UBAP2: variants seen among roughly 807,000 people sequenced by gnomAD.
UBAP2 encodes ubiquitin associated protein 2.
A neutral mutation model predicts 139.6 loss-of-function variants in UBAP2; 75 were observed. That is an observed-to-expected ratio of 0.54 (90% CI 0.45 to 0.65). The LOEUF is 0.65. UBAP2 is among the 30% of genes least tolerant of loss of function. UBAP2 has a pLI of 0.00. For synonymous variants in UBAP2, 526 were observed against 526.2 expected (o/e 1.00, Z 0.01); for missense variants, 1,368 against 1,369.6 (o/e 1.00, Z 0.02).
intron 19 of UBAP2, among the ~76,000 whole-genome samples, chr9:33,930,768 C>T (rs1413459462): frequency 1.3e-5 from 2 of 151,638 alleles, no homozygotes; most frequent in African/African-American, 2.4e-5. Context: ...TGGTGGTATG[C>T]GCCTGTAACC....
intron 6 of UBAP2, among the ~76,000 whole-genome samples, chr9:33,983,379 C>T (rs559336515): frequency 2.0e-5 from 3 of 152,232 alleles, no homozygotes; most frequent in Non-Finnish European, 2.9e-5. Context: ...TTCTCTAAGA[C>T]GCCCACTAAT....
chr9:34,010,122 TA>T (rs572189269), intron 2 of UBAP2, among the ~76,000 whole-genome samples: 34,250 of 124,790 alleles, frequency 0.27, 4,864 homozygotes, highest in South Asian at 0.42. Context: ...TCCTGTCTAT[TA>T]AAAAAAAAAA....
At chr9:33,952,358 A>G (rs918495549) in intron 12 of UBAP2, among the ~76,000 whole-genome samples, 5 of 152,196 alleles carry the variant, frequency 3.3e-5, no homozygotes, top group Non-Finnish European at 5.9e-5. Flanking sequence ...AGCCTTCACT[A>G]ACAGTTTCTG....
At chr9:33,936,932 A>T (rs1260158067) in intron 16 of UBAP2, among the ~76,000 whole-genome samples, 1 of 98,120 alleles carries the variant, frequency 1.0e-5, no homozygotes. Context: ...AGCTCAAAAA[A>T]AAAAAAAAAA....
At position 33,932,596 on chromosome 9, in the gene UBAP2, G is replaced by A; in HGVS notation, c.2141C>T (p.Ala714Val). Reference sequence around the variant, plus strand: ...CGTGCTCGAGGAGAGGGCTGCATGTGCAGAGAGGCTGCTCTGGTGGCTGGA... The same window carrying A: ...CGTGCTCGAGGAGAGGGCTGCATGTACAGAGAGGCTGCTCTGGTGGCTGGA... ...SLSSHQSSLSAHAALSSSTSH... is the reference protein window; with the variant it reads ...SLSSHQSSLSVHAALSSSTSH... Residue 714 changes from alanine (A) to valine (V), a missense_variant, in exon 19 of 29, where the codon GCA becomes GTA. Transcript: ENST00000379238. 1 of 1,614,078 alleles carries A rather than the reference G, an allele frequency of 6.2e-7. No individual in the cohort carries two copies. The highest frequency in any genetic ancestry group is 8.5e-7 in the Non-Finnish European group (1 of 1,180,024).
At position 33,944,492 on chromosome 9, in the gene UBAP2, C is replaced by A. The variant is rs1305075976; in HGVS notation, c.1418G>T (p.Ser473Ile). The change falls in exon 14 of 29, where the codon AGT becomes ATT. Residue 473 changes from serine to isoleucine, a missense_variant. Ser to Ile is a moderately radical substitution (Grantham distance 142, BLOSUM62 -2). Transcript: ENST00000379238. Reference protein sequence around the residue: ...AKLRESTPGDSPSTVNKLLQL... With the variant: ...AKLRESTPGDIPSTVNKLLQL... The stretch of plus-strand genomic sequence containing the variant: ...CAAAAGCTTGTTCACAGTGGAGGGA[C>A]TGTCTCCAGGTGTTGATTCTCGAAG... 1.2e-6 allele frequency: 2 copies of A among 1,614,098 alleles called. No homozygotes were observed. The highest frequency in any genetic ancestry group is 1.6e-4 in the Middle Eastern group (1 of 6,062).
At chr9:33,970,763 G>A (rs183936290) in intron 8 of UBAP2, among the ~76,000 whole-genome samples, 16 of 152,072 alleles carry the variant, frequency 1.1e-4, no homozygotes, top group Admixed American at 2.0e-4. Context: ...TCTAAGTCTA[G>A]GTTATAATTC....
intron 16 of UBAP2, among the ~76,000 whole-genome samples, chr9:33,939,750 G>A (rs1348387948): frequency 2.4e-5 from 2 of 83,678 alleles, no homozygotes; most frequent in Admixed American, 1.2e-4. Context: ...GAGGGAGAAG[G>A]GGGGGAGGGG....
chr9:33,924,909 T>A (rs140818254), intron 22 of UBAP2, among the ~76,000 whole-genome samples: 163 of 152,350 alleles, frequency 1.1e-3, no homozygotes, highest in African/African-American at 3.6e-3. Context: ...GCAATTTTTT[T>A]AAGCTCATCA....
chr9:33,945,653 T>TATAG (rs1437899845), intron 13 of UBAP2, among the ~76,000 whole-genome samples: 1 of 152,218 alleles, frequency 6.6e-6, no homozygotes, highest in Non-Finnish European at 1.5e-5. Context: ...TCACAATATA[T>TATAG]ATAGACAGAC....
At chr9:34,048,465 G>A (rs1035270695) in intron 1 of UBAP2, among the ~76,000 whole-genome samples, 1 of 152,328 alleles carries the variant, frequency 6.6e-6, no homozygotes, top group East Asian at 1.9e-4. Context: ...GCGTGGCGGG[G>A]AAGCTCCAGT....
In UBAP2 at chr9:34,008,169, C is replaced by T. The variant is rs976456884; in HGVS notation, c.99+8881G>A. Reference sequence around the variant, plus strand: ...ATACACATACAAATACAAAATTAGCCGGGCCGGGCATGGTGGCGCATGCCT... The same window carrying T: ...ATACACATACAAATACAAAATTAGCTGGGCCGGGCATGGTGGCGCATGCCT... On this transcript the variant is annotated intron_variant, in intron 2 of 28. Coordinates refer to ENST00000379238, the MANE Select transcript of UBAP2 (RefSeq NM_001370062.2). Among the ~76,000 whole-genome samples the T allele has an allele frequency of 1.2e-4, 18 of 151,882 alleles. No homozygotes were observed. The East Asian group carries it at 3.1e-3, about 26-fold the overall frequency.
intron 4 of UBAP2, among the ~76,000 whole-genome samples, chr9:33,989,548 T>G (rs761028349): frequency 3.9e-5 from 6 of 152,204 alleles, no homozygotes; most frequent in Admixed American, 6.5e-5. Context: ...GCAGCTCACC[T>G]GCTTATCATT....
intron 16 of UBAP2, among the ~76,000 whole-genome samples, chr9:33,936,871 C>A (rs1187841747): frequency 7.9e-6 from 1 of 126,222 alleles, no homozygotes; most frequent in Admixed American, 1.0e-4. Flanking sequence ...AACAGGAGAA[C>A]TGCTTGCGCC....
chr9:33,947,824 C>CA lies in UBAP2; in HGVS notation c.1270+549dup, dbSNP rs67708083. Reference sequence around the variant, plus strand: ...TGTGCAACAGAGCAAGATCCTGACTCAAAAAAAAAAAAAATAAAATAATAG... The same window carrying CA: ...TGTGCAACAGAGCAAGATCCTGACTCAAAAAAAAAAAAAAATAAAATAATAG... On this transcript the variant is annotated intron_variant, in intron 13 of 28. Transcript: ENST00000379238. Among the ~76,000 whole-genome samples, 489 of 139,122 alleles carry CA rather than the reference C, an allele frequency of 3.5e-3. 1 individual carries two copies. The highest frequency in any genetic ancestry group is 7.4e-3 in the Middle Eastern group (2 of 270). The allele number at this position is 139,122 out of a possible 152,430, so 91.3% of individuals were successfully genotyped here.
chr9:33,946,822 G>A (rs1303318304), intron 13 of UBAP2, among the ~76,000 whole-genome samples: 2 of 152,156 alleles, frequency 1.3e-5, no homozygotes, highest in African/African-American at 4.8e-5. Context: ...GAATAGCATG[G>A]TTCTATCTAA....
intron 6 of UBAP2, among the ~76,000 whole-genome samples, chr9:33,984,513 T>C (rs543762940): frequency 6.6e-6 from 1 of 151,778 alleles, no homozygotes; most frequent in South Asian, 2.1e-4. Context: ...AAAAAATTTT[T>C]TTTTTTCTTT....
chr9:33,926,423 G>A (rs1823435061), intron 22 of UBAP2, among the ~76,000 whole-genome samples, 194 bp downstream of exon 22: 1 of 152,172 alleles, frequency 6.6e-6, no homozygotes, highest in African/African-American at 2.4e-5. Context: ...GATGAGCACT[G>A]GATACTCTGT....
Position 34,016,553 on chromosome 9 carries a change from ATTTAT to A in UBAP2, c.99+492_99+496del, listed in dbSNP as rs535170533. On this transcript the variant is annotated intron_variant, in intron 2 of 28. Coordinates refer to ENST00000379238, the MANE Select transcript of UBAP2 (RefSeq NM_001370062.2). ...CTTCATTACCTACTTTTTATTTTTTATTTATTTTATTTTTTTTTTTAGGAAGGAGT... is the reference window on the plus strand; with the variant it reads ...CTTCATTACCTACTTTTTATTTTTTATTTATTTTTTTTTTTAGGAAGGAGT... Among the ~76,000 whole-genome samples, 924 of 150,806 alleles carry A rather than the reference ATTTAT, an allele frequency of 6.1e-3. 5 individuals are homozygous for A. The highest frequency in any genetic ancestry group is 0.021 in the African/African-American group (872 of 41,120).
Sources: gnomAD v4.1 joint callset for allele counts (sites outside exome capture counted in the v4.1 genomes callset) on GRCh38, gnomAD v4.1.1 for gene constraint, MANE v1.5 for transcripts, NCBI Gene and HGNC (gene_info 2026-07-23, HGNC 2026-07-21) for gene names.